The following PTPRA variants were observed in gnomAD, a reference collection of about 807,000 sequenced individuals.
PTPRA encodes the protein receptor-type tyrosine-protein phosphatase alpha.
In PTPRA, 25 loss-of-function variants were observed where a neutral mutation model predicts 104.8. That is an observed-to-expected ratio of 0.24 (90% CI 0.17 to 0.33). The LOEUF is 0.33. PTPRA is among the 10% of genes least tolerant of loss of function. The pLI is 1.00. For missense variants in PTPRA, 765 were observed against 1,015.3 expected, an observed-to-expected ratio of 0.75 and a Z score of 3.35; for synonymous variants, 323 against 368.9, an observed-to-expected ratio of 0.88 and a Z score of 1.43.
intron 1 of PTPRA, among the ~76,000 whole-genome samples, chr20:2,913,200 A>G (rs936510474): frequency 1.3e-5 from 2 of 152,018 alleles, no homozygotes; most frequent in Non-Finnish European, 2.9e-5. Flanking sequence ...ACATGATGAA[A>G]ACCTGTCTCC....
intron 3 of PTPRA, among the ~76,000 whole-genome samples, chr20:2,948,948 T>C (rs867847166): frequency 1.3e-5 from 2 of 151,566 alleles, no homozygotes; most frequent in African/African-American, 4.8e-5. Context: ...CGAGACTCCG[T>C]CTCAAAAAAA....
intron 17 of PTPRA, 53 bp downstream of exon 17, chr20:3,024,674 G>A: frequency 6.3e-7 from 1 of 1,598,892 alleles, no homozygotes; most frequent in South Asian, 1.1e-5. Flanking sequence ...TGTAATCTGG[G>A]GAACATGGGA....
chr20:2,966,400 T>C (rs931537416), intron 5 of PTPRA, among the ~76,000 whole-genome samples: 2 of 152,216 alleles, frequency 1.3e-5, no homozygotes, highest in African/African-American at 4.8e-5. Flanking sequence ...CAAGTTAATA[T>C]GGGTAAAGCA....
upstream of PTPRA, among the ~76,000 whole-genome samples, chr20:2,868,443 A>C (rs1180493829): frequency 6.7e-6 from 1 of 150,028 alleles, no homozygotes; most frequent in Non-Finnish European, 1.5e-5. Flanking sequence ...GGGTTACAGC[A>C]TGAACCACTG....
intron 1 of PTPRA, among the ~76,000 whole-genome samples, chr20:2,886,376 G>A (rs373985920): frequency 7.2e-5 from 11 of 152,108 alleles, no homozygotes; most frequent in African/African-American, 2.7e-4. Context: ...GATTACAGAC[G>A]AGACAAGAAT....
chr20:3,007,661 A>G (rs2063936891), intron 11 of PTPRA, among the ~76,000 whole-genome samples: 1 of 152,198 alleles, frequency 6.6e-6, no homozygotes, highest in Non-Finnish European at 1.5e-5. Context: ...CTAAATATGT[A>G]TTTTGTGATA....
chr20:2,905,197 A>C (rs567730929), intron 1 of PTPRA, among the ~76,000 whole-genome samples: 26 of 152,146 alleles, frequency 1.7e-4, no homozygotes, highest in Non-Finnish European at 3.2e-4. Context: ...CAAAATCTGA[A>C]ACCATATCCT....
chr20:2,934,945 T>C (rs942431200), intron 2 of PTPRA, among the ~76,000 whole-genome samples: 12 of 152,202 alleles, frequency 7.9e-5, no homozygotes, highest in Admixed American at 7.2e-4. Context: ...GTGCTGGGAT[T>C]AGAGTGGTGA....
At chr20:2,916,082 C>T (rs916539614) in intron 1 of PTPRA, among the ~76,000 whole-genome samples, 7 of 152,140 alleles carry the variant, frequency 4.6e-5, no homozygotes, top group East Asian at 1.9e-4. Flanking sequence ...CTCTGTGCTG[C>T]AGGCTGGAGT....
chr20:2,984,225 T>TG (rs1452739280), intron 6 of PTPRA, among the ~76,000 whole-genome samples: 1 of 152,200 alleles, frequency 6.6e-6, no homozygotes, highest in African/African-American at 2.4e-5. Flanking sequence ...AAAACCCATC[T>TG]GTCCACCTCA....
chr20:2,982,076 T>C (rs987227031), intron 6 of PTPRA, among the ~76,000 whole-genome samples: 2 of 151,814 alleles, frequency 1.3e-5, no homozygotes, highest in Admixed American at 1.3e-4. Context: ...GGTGCCTAAT[T>C]ACTTTCTTCT....
At chr20:3,021,552 C>T in intron 14 of PTPRA, 124 bp downstream of exon 14, 1 of 1,346,188 alleles carries the variant, frequency 7.4e-7, no homozygotes, top group Non-Finnish European at 1.0e-6. Context: ...ATTCTGAAAC[C>T]AGATATCCGG....
chr20:2,865,328 GC>G, the PTPRA span: 2 of 1,614,122 alleles, frequency 1.2e-6, no homozygotes, highest in Non-Finnish European at 1.7e-6. This position sits in a 1 kb window ranked among gnomAD's most constrained non-coding sequence, Gnocchi z 5.2. Context: ...GTAGGTGAGG[GC>G]CCAGGCTGCA....
chr20:3,002,124 A>G (rs971336519), intron 9 of PTPRA, among the ~76,000 whole-genome samples: 3 of 152,012 alleles, frequency 2.0e-5, no homozygotes, highest in African/African-American at 7.3e-5. Flanking sequence ...TGGGTGACAG[A>G]GCGAGACCCT....
Position 3,035,101 on chromosome 20 carries a change from C to T in PTPRA, c.1921-484C>T, listed in dbSNP as rs913934920. Among the ~76,000 whole-genome samples, 1 of 152,102 alleles carries T rather than the reference C, an allele frequency of 6.6e-6. No individual in the cohort carries two copies. Among genetic ancestry groups the T allele is most frequent in the Admixed American group, 6.5e-5 (1 of 15,278 alleles). On this transcript the variant is annotated intron_variant, in intron 20 of 23. Coordinates refer to ENST00000399903, the MANE Select transcript of PTPRA (RefSeq NM_001385305.1). This position sits in a 1 kb window ranked among gnomAD's most constrained non-coding sequence, Gnocchi z 5.8. The stretch of plus-strand genomic sequence containing the variant: ...AGGACAGAAAGGCGAGTGCTAGCAA[C>T]TTGAAGGTACCTTGCAGATCAAAGA...
At chr20:2,958,681 AAAAAG>A (rs2061629067) in intron 3 of PTPRA, among the ~76,000 whole-genome samples, 2 of 141,444 alleles carry the variant, frequency 1.4e-5, no homozygotes, top group African/African-American at 5.5e-5. Context: ...AAAAAAAAAA[AAAAAG>A]AAATACAAAA....
At chr20:2,906,587 T>C in intron 1 of PTPRA, among the ~76,000 whole-genome samples, 1 of 152,222 alleles carries the variant, frequency 6.6e-6, no homozygotes, top group East Asian at 1.9e-4. Context: ...GGTATACTAA[T>C]GAGAAGAATG....
chr20:3,010,572 G>A (rs1381592422), intron 11 of PTPRA, among the ~76,000 whole-genome samples: 1 of 152,078 alleles, frequency 6.6e-6, no homozygotes, highest in African/African-American at 2.4e-5. Context: ...AGCTTGCAGT[G>A]AGCCGAGATC....
chr20:2,999,043 A>G (rs1401961447), intron 9 of PTPRA, among the ~76,000 whole-genome samples: 1 of 151,894 alleles, frequency 6.6e-6, no homozygotes, highest in Non-Finnish European at 1.5e-5. Flanking sequence ...GTTGCTAGAT[A>G]CAGAAGCAGC....
Sources: allele counts gnomAD v4.1 joint callset (sites outside exome capture counted in the v4.1 genomes callset), GRCh38; gene constraint gnomAD v4.1.1; non-coding constraint Gnocchi (gnomAD v3.1); transcripts MANE v1.5; gene names NCBI Gene and HGNC (gene_info 2026-07-23, HGNC 2026-07-21).